KIAA1549L: variants seen among roughly 807,000 people sequenced by gnomAD.
The protein encoded by KIAA1549L is UPF0606 protein KIAA1549L.
A neutral mutation model predicts 160.7 loss-of-function variants in KIAA1549L; 88 were observed. The ratio of observed to expected loss-of-function variants is 0.55; its 90% confidence interval spans 0.46 to 0.65. The LOEUF is 0.65. Among genes scored for constraint, KIAA1549L ranks in the 30% least tolerant of loss-of-function variants. The pLI, the probability that KIAA1549L is intolerant of heterozygous loss-of-function variation, is 0.00. For synonymous variants in KIAA1549L, 950 were observed against 976.7 expected, an observed-to-expected ratio of 0.97 and a Z score of 0.51; for missense variants, 2,258 against 2,437.5, an observed-to-expected ratio of 0.93 and a Z score of 1.55.
At chr11:33,560,220 A>G (rs1301347813) in intron 7 of KIAA1549L, among the ~76,000 whole-genome samples, 1 of 152,216 alleles carries the variant, frequency 6.6e-6, no homozygotes. Context: ...CCTATAAGAC[A>G]GATGCAAAAT....
chr11:33,525,539 T>C (rs1853591481), intron 1 of KIAA1549L, among the ~76,000 whole-genome samples: 1 of 151,392 alleles, frequency 6.6e-6, no homozygotes, highest in Non-Finnish European at 1.5e-5. Context: ...GGCTGAACTT[T>C]GTAATAATTT....
chr11:33,439,291 C>T (rs1054274421), intron 1 of KIAA1549L, among the ~76,000 whole-genome samples: 8 of 152,098 alleles, frequency 5.3e-5, no homozygotes, highest in African/African-American at 1.9e-4. Context: ...TAATATTTTA[C>T]TTATTAATGG....
At chr11:33,591,523 A>T in intron 12 of KIAA1549L, 102 bp downstream of exon 12, 1 of 887,246 alleles carries the variant, frequency 1.1e-6, no homozygotes, top group South Asian at 1.8e-5. Flanking sequence ...CTCTTTAAAA[A>T]TTCCCCTTCA....
intron 13 of KIAA1549L, among the ~76,000 whole-genome samples, chr11:33,605,150 TTTTTGTTTTGTTTTG>T (rs71457310): frequency 0.036 from 5,396 of 149,908 alleles, 338 homozygotes; most frequent in African/African-American, 0.12. Flanking sequence ...AAGTCATGAG[TTTTTGTTTTGTTTTG>T]TTTTGTTTTG....
Position 33,507,650 on chromosome 11 carries a change from A to G in KIAA1549L, c.239-34152A>G, listed in dbSNP as rs573358515. On this transcript the variant is annotated intron_variant, in intron 1 of 20. Transcript: ENST00000658780. ...TGTGTAACCAAGTCCTTGTTTGTGA[A>G]ATAGAGATACTCCTCCCTACCTGAC... Among the ~76,000 whole-genome samples the G allele has an allele frequency of 1.8e-4, 28 of 152,282 alleles. 2 individuals are homozygous for G. The South Asian group carries it at 5.4e-3, about 29-fold the overall frequency.
At chr11:33,504,884 A>G (rs1408551850) in intron 1 of KIAA1549L, among the ~76,000 whole-genome samples, 1 of 152,156 alleles carries the variant, frequency 6.6e-6, no homozygotes, top group Non-Finnish European at 1.5e-5. Context: ...TTCCTGCCTC[A>G]GTCTCCCCAG....
At chr11:33,447,377 A>T (rs1851632504) in intron 1 of KIAA1549L, among the ~76,000 whole-genome samples, 1 of 152,126 alleles carries the variant, frequency 6.6e-6, no homozygotes, top group Non-Finnish European at 1.5e-5. Context: ...CTGCACTTAC[A>T]CTCATAAATG....
rs1174874501 is a variant in KIAA1549L at position 33,544,796 on chromosome 11, A to G, written c.2803A>G (p.Thr935Ala). The G allele has an allele frequency of 1.2e-6, 2 of 1,607,298 alleles. No homozygotes were observed. Among genetic ancestry groups the G allele is most frequent in the Non-Finnish European group, 1.7e-6 (2 of 1,175,016 alleles). ...ADTVSSKVQP[T>A]AAAAVTLFLR... is the part of the protein sequence containing the mutation. Reference sequence around the variant, plus strand: ...CACAGTATCATCTAAGGTACAGCCAACAGCAGCAGCTGCCGTCACATTGTT... The same window carrying G: ...CACAGTATCATCTAAGGTACAGCCAGCAGCAGCAGCTGCCGTCACATTGTT... Residue 935 changes from threonine (T) to alanine (A), a missense_variant, in exon 3 of 21, where the codon ACA (threonine) becomes GCA (alanine). Thr to Ala is a moderately conservative substitution (Grantham distance 58, BLOSUM62 0). Around this residue, in one of 6 missense-constraint regions of KIAA1549L, gnomAD observed 41 missense variants for 79.8 expected, o/e 0.51. Coordinates refer to ENST00000658780, the MANE Select transcript of KIAA1549L (RefSeq NM_012194.3).
At chr11:33,567,221 G>C (rs1238425877) in intron 8 of KIAA1549L, among the ~76,000 whole-genome samples, 1 of 152,218 alleles carries the variant, frequency 6.6e-6, no homozygotes, top group African/African-American at 2.4e-5. Context: ...GGCAAGAAGG[G>C]TGTTCCCTTT....
At chr11:33,650,144 G>GCTGGACCAGATATGATTCTATCTAT (rs1422940993) in intron 17 of KIAA1549L, among the ~76,000 whole-genome samples, 1 of 152,186 alleles carries the variant, frequency 6.6e-6, no homozygotes, top group African/African-American at 2.4e-5. Context: ...TTCTATCATA[G>GCTGGACCAGATATGATTCTATCTAT]CTGGACCAGA....
intron 1 of KIAA1549L, among the ~76,000 whole-genome samples, chr11:33,447,647 A>ACACAC (rs1565141326): frequency 6.6e-6 from 1 of 151,204 alleles, no homozygotes; most frequent in African/African-American, 2.4e-5. Context: ...ACACACACAC[A>ACACAC]AAATTTTAGC....
chr11:33,571,061 G>T (rs1855236785), intron 9 of KIAA1549L, among the ~76,000 whole-genome samples: 1 of 152,208 alleles, frequency 6.6e-6, no homozygotes, highest in African/African-American at 2.4e-5. Flanking sequence ...AAGGCAGGTG[G>T]ATCACAAGGT....
intron 17 of KIAA1549L, among the ~76,000 whole-genome samples, chr11:33,648,504 C>T (rs1318636263): frequency 1.1e-5 from 1 of 90,896 alleles, no homozygotes; most frequent in East Asian, 3.8e-4. Context: ...AGAATGATAA[C>T]TATGATTACT....
At chr11:33,529,726 C>T (rs1306187202) in intron 1 of KIAA1549L, among the ~76,000 whole-genome samples, 1 of 152,116 alleles carries the variant, frequency 6.6e-6, no homozygotes, top group Non-Finnish European at 1.5e-5. Flanking sequence ...GGGTGATTTC[C>T]AGAGGAAGCG....
chr11:33,528,857 C>T (rs1173871658), intron 1 of KIAA1549L, among the ~76,000 whole-genome samples: 1 of 152,176 alleles, frequency 6.6e-6, no homozygotes, highest in Non-Finnish European at 1.5e-5. Flanking sequence ...GGATAAAAGA[C>T]TACACGTTGG....
At chr11:33,574,659 T>G (rs972438408) in intron 9 of KIAA1549L, 43 bp from the exon 10 acceptor site, 2 of 1,579,074 alleles carry the variant, frequency 1.3e-6, no homozygotes, top group African/African-American at 2.7e-5. Flanking sequence ...GCAGGGTCCA[T>G]GCAAAATGCC....
chr11:33,529,562 A>G (rs911991942), intron 1 of KIAA1549L, among the ~76,000 whole-genome samples: 1 of 152,210 alleles, frequency 6.6e-6, no homozygotes, highest in African/African-American at 2.4e-5. Context: ...GCAAACAGAC[A>G]CAGAGAGGTC....
chr11:33,606,842 G>T lies in KIAA1549L; in HGVS notation c.5061+20G>T. The T allele has an allele frequency of 6.3e-7, 1 of 1,579,068 alleles. No individual in the cohort carries two copies. Among genetic ancestry groups the T allele is most frequent in the South Asian group, 1.2e-5 (1 of 86,622 alleles). ...GGCGAGGTAAGTGCCTGGAGACCCA[G>T]GGCAGGAGATGGTCCGGCCAGACTT... is the stretch of plus-strand genomic sequence containing the variant. On this transcript the variant is annotated intron_variant, in intron 14 of 20. Transcript: ENST00000658780.
chr11:33,407,148 G>T (rs1469907617), intron 1 of KIAA1549L, among the ~76,000 whole-genome samples: 2 of 139,814 alleles, frequency 1.4e-5, no homozygotes, highest in Admixed American at 7.8e-5. Context: ...GCAGTGGCGT[G>T]ATCTCGGCTC....
Sources: allele counts gnomAD v4.1 joint callset (sites outside exome capture counted in the v4.1 genomes callset), GRCh38; gene constraint gnomAD v4.1.1; regional missense constraint gnomAD v4.1.1; transcripts MANE v1.5; gene names NCBI Gene and HGNC (gene_info 2026-07-23, HGNC 2026-07-21).